Variants in BNC1 observed in about 807,000 individuals in gnomAD.
The protein encoded by BNC1 is basonuclin zinc finger protein 1, also known as zinc finger protein basonuclin-1.
Under a neutral mutation model 66.5 loss-of-function variants are expected in BNC1, and 8 were observed. That is an observed-to-expected ratio of 0.12 (90% CI 0.07 to 0.22). BNC1 has a LOEUF of 0.22. Among genes scored for constraint, BNC1 ranks in the 10% least tolerant of loss-of-function variants. BNC1 has a pLI of 1.00. For missense variants in BNC1, 1,069 were observed against 1,241.3 expected, an observed-to-expected ratio of 0.86 and a Z score of 2.09; for synonymous variants, 454 against 452.6, an observed-to-expected ratio of 1.00 and a Z score of -0.04.
At chr15:83,270,764 T>G (rs1006407603) in intron 1 of BNC1, among the ~76,000 whole-genome samples, 1 of 152,218 alleles carries the variant, frequency 6.6e-6, no homozygotes, top group African/African-American at 2.4e-5. Context: ...TTGCATACAC[T>G]TTCTCCCATC....
intron 1 of BNC1, among the ~76,000 whole-genome samples, chr15:83,275,970 C>A (rs190599609): frequency 6.6e-6 from 1 of 152,180 alleles, no homozygotes; most frequent in East Asian, 1.9e-4. Context: ...AGCCCCTTCC[C>A]GTTCACCTCA....
intron 4 of BNC1, among the ~76,000 whole-genome samples, chr15:83,259,291 T>G (rs2038117165): frequency 6.6e-6 from 1 of 152,198 alleles, no homozygotes; most frequent in Non-Finnish European, 1.5e-5. Context: ...ATAGGAGAAT[T>G]ATTCCAAATA....
chr15:83,268,090 G>C, intron 2 of BNC1, 43 bp downstream of exon 2: 1 of 1,502,878 alleles, frequency 6.7e-7, no homozygotes, highest in Non-Finnish European at 9.3e-7. Flanking sequence ...AAGTTACTTA[G>C]AGGTAACACT....
chr15:83,264,556 G>T lies in BNC1; in HGVS notation c.695C>A (p.Pro232His), dbSNP rs1259833910. 1 of 1,614,152 alleles carries T rather than the reference G, an allele frequency of 6.2e-7. No homozygotes were observed. Among genetic ancestry groups the T allele is most frequent in the East Asian group, 2.2e-5 (1 of 44,876 alleles). Residue 232 changes from proline to histidine, a missense_variant, in exon 4 of 5, where the codon CCC (proline) becomes CAC (histidine). By Grantham distance (77) the Pro-to-His change is moderately conservative (BLOSUM62 -2). This residue lies in a region of BNC1 where 181 missense variants were observed against 181.5 expected (regional missense o/e 1.00). Coordinates refer to ENST00000345382, the MANE Select transcript of BNC1 (RefSeq NM_001717.4). ...VDKGNPSSIH[P>H]FENLISNMTF... ...CATGTTGCTTATGAGGTTCTCAAAGGGGTGTATACTGCTGGGGTTTCCTTT... is the reference window on the plus strand; with the variant it reads ...CATGTTGCTTATGAGGTTCTCAAAGTGGTGTATACTGCTGGGGTTTCCTTT...
Position 83,264,568 on chromosome 15 carries a change from C to T in BNC1, c.683G>A (p.Ser228Asn), listed in dbSNP as rs1372060242. Residue 228 changes from serine to asparagine, a missense_variant, in exon 4 of 5, where the codon AGC becomes AAC. Physicochemically the swap from Ser to Asn is conservative, Grantham distance 46. Coordinates refer to ENST00000345382, the MANE Select transcript of BNC1 (RefSeq NM_001717.4). The stretch of plus-strand genomic sequence containing the variant: ...GAGGTTCTCAAAGGGGTGTATACTG[C>T]TGGGGTTTCCTTTGTCCACAGGAGT... ...LPTPVDKGNP[S>N]SIHPFENLIS... 1.2e-6 allele frequency: 2 copies of T among 1,614,114 alleles called. No homozygotes were observed. The highest frequency in any genetic ancestry group is 1.7e-5 in the Admixed American group (1 of 60,028).
chr15:83,281,118 C>G (rs570650401), intron 1 of BNC1, among the ~76,000 whole-genome samples: 94 of 152,262 alleles, frequency 6.2e-4, no homozygotes, highest in African/African-American at 2.1e-3. Context: ...TCTGTTTATA[C>G]CCACCCTCTT....
Position 83,268,302 on chromosome 15 carries a change from C to A in BNC1, c.100-70G>T, listed in dbSNP as rs1398346000. ...TGTGAAACATTCATTGTATTTCAAACAAAACATATTCCTCCATTCGGCAGC... is the reference window on the plus strand; with the variant it reads ...TGTGAAACATTCATTGTATTTCAAAAAAAACATATTCCTCCATTCGGCAGC... On this transcript the variant is annotated intron_variant, in intron 1 of 4. Coordinates refer to ENST00000345382, the MANE Select transcript of BNC1 (RefSeq NM_001717.4). 10 of 1,358,756 alleles carry A rather than the reference C, an allele frequency of 7.4e-6. No individual in the cohort carries two copies. The East Asian group carries it at 2.3e-4, about 31-fold the overall frequency. The allele number at this position is 1,358,756 out of a possible 1,614,324, so 84.2% of individuals were successfully genotyped here.
rs2038091393 is a variant in BNC1, at chr15:83,257,651, A to G, written c.2776T>C (p.Leu926=). The change falls in exon 5 of 5, where the codon TTG becomes CTG. Residue 926 remains leucine (L), a synonymous_variant. Coordinates refer to ENST00000345382, the MANE Select transcript of BNC1 (RefSeq NM_001717.4). ...TGGCAGAGATGACAGGTTATGGGCA[A>G]CCCAGAAGGCAGGCTAGCAAGGCTC... The part of the protein sequence containing the change: ...DQSLASLPSG[L]PITCHLCQKT... The G allele has an allele frequency of 1.2e-6, 2 of 1,613,988 alleles. No individual in the cohort carries two copies. Among genetic ancestry groups the G allele is most frequent in the South Asian group, 2.2e-5 (2 of 91,074 alleles).
intron 4 of BNC1, 36 bp from the exon 5 acceptor site, chr15:83,258,162 G>T: frequency 6.5e-7 from 1 of 1,547,150 alleles, no homozygotes; most frequent in Non-Finnish European, 8.8e-7. Flanking sequence ...AATGGGTTGG[G>T]CTGTTTTAGA....
Position 83,266,808 on chromosome 15 carries a change from A to G in BNC1, c.435+28T>C, listed in dbSNP as rs1595937939. ...GGGCACAAATTTCAGAAAGCACCCT[A>G]GGAGGACAATGTTCATGTTTACTGT... On this transcript the variant is annotated intron_variant, in intron 3 of 4. Transcript: ENST00000345382. The G allele has an allele frequency of 1.9e-6, 3 of 1,599,754 alleles. No homozygotes were observed. In the East Asian group the frequency reaches 6.7e-5, roughly 36 times the overall value.
At chr15:83,274,546 CA>C (rs2038300488) in intron 1 of BNC1, among the ~76,000 whole-genome samples, 1 of 152,160 alleles carries the variant, frequency 6.6e-6, no homozygotes, top group Non-Finnish European at 1.5e-5. Flanking sequence ...AGGCTGAGTT[CA>C]ATGGTAGGTA....
chr15:83,258,198 A>G, intron 4 of BNC1, 72 bp from the exon 5 acceptor site: 1 of 1,456,854 alleles, frequency 6.9e-7, no homozygotes, highest in South Asian at 1.3e-5. Context: ...GAGTGGAGAG[A>G]CTTGGTAGAT....
At chr15:83,283,580 C>G (rs1036875575) in intron 1 of BNC1, 3 of 911,584 alleles carry the variant, frequency 3.3e-6, no homozygotes, top group Non-Finnish European at 3.9e-6. Flanking sequence ...CCCATGCAAA[C>G]CCCTGAAGGA....
In BNC1 at chr15:83,263,803, T is replaced by C; in HGVS notation, c.1448A>G (p.Lys483Arg). The C allele has an allele frequency of 2.5e-6, 4 of 1,614,094 alleles. No homozygotes were observed. Among genetic ancestry groups the C allele is most frequent in the Non-Finnish European group, 3.4e-6 (4 of 1,180,010 alleles). Residue 483 changes from lysine to arginine, a missense_variant, in exon 4 of 5, where the codon AAG becomes AGG. Transcript: ENST00000345382. ...GAAAGGAAGGACTGGCTGGACTGTC[T>C]TTAGGTTGGGAAAAAGCACACCATT... ...GQNGVLFPNL[K>R]TVQPVLPFYR... is the part of the protein sequence containing the mutation.
intron 3 of BNC1, among the ~76,000 whole-genome samples, chr15:83,265,746 T>G (rs552862385): frequency 1.3e-5 from 2 of 152,318 alleles, no homozygotes; most frequent in African/African-American, 4.8e-5. Flanking sequence ...ATTCTGGGTC[T>G]GCCACATACT....
At chr15:83,284,419 C>T in intron 1 of BNC1, 111 bp downstream of exon 1, 2 of 652,614 alleles carry the variant, frequency 3.1e-6, no homozygotes, top group Non-Finnish European at 3.9e-6. Context: ...AGCCAGCTGG[C>T]CCTCGGGAGG....
In BNC1 at chr15:83,263,612, C is replaced by G. The variant is rs764840224; in HGVS notation, c.1639G>C (p.Glu547Gln). 1 of 1,614,232 alleles carries G rather than the reference C, an allele frequency of 6.2e-7. No homozygotes were observed. The highest frequency in any genetic ancestry group is 1.7e-5 in the Admixed American group (1 of 60,030). ...SRKSSMPIKI[E>Q]KEAVEIANEK... ...TTAGCTATTTCCACAGCTTCTTTCTCTATTTTGATAGGCATACTGGACTTC... is the reference window on the plus strand; with the variant it reads ...TTAGCTATTTCCACAGCTTCTTTCTGTATTTTGATAGGCATACTGGACTTC... The change falls in exon 4 of 5, where the codon GAG becomes CAG. Residue 547 changes from glutamate (E) to glutamine (Q), a missense_variant. Physicochemically the swap from Glu to Gln is conservative, Grantham distance 29 (BLOSUM62 2). Coordinates refer to ENST00000345382, the MANE Select transcript of BNC1 (RefSeq NM_001717.4).
Position 83,284,557 on chromosome 15 carries a change from C to T in BNC1, c.72G>A (p.Arg24=). Residue 24 remains arginine (R), a synonymous_variant, in exon 1 of 5, where the codon CGG becomes CGA. Coordinates refer to ENST00000345382, the MANE Select transcript of BNC1 (RefSeq NM_001717.4). ...CGGCCATCCTGCGACCGCTGCGGTG[C>T]CGGGGCTGCCGGCGCGTCTCCCGGG... The part of the protein sequence containing the change: ...ARARETRRQP[R]HRSGRRMAEA... 3 of 1,103,404 alleles carry T rather than the reference C, an allele frequency of 2.7e-6. No homozygotes were observed. The highest frequency in any genetic ancestry group is 6.7e-5 in the South Asian group (2 of 29,758). 68.4% of individuals were successfully genotyped at this position (1,103,404 alleles called of 1,614,324 possible).
Position 83,256,178 on chromosome 15 carries a change from C to T in BNC1, c.*1264G>A, listed in dbSNP as rs923433376. The T allele has an allele frequency of 5.2e-5, 8 of 152,468 alleles. No homozygotes were observed. The highest frequency in any genetic ancestry group is 3.3e-4 in the Admixed American group (5 of 15,282). 9.4% of individuals were successfully genotyped at this position (152,468 alleles called of 1,614,324 possible). A position where few individuals can be genotyped will look rare whatever the true frequency, so the allele number is the denominator to read the frequency against. On this transcript the variant is annotated 3_prime_UTR_variant, in exon 5 of 5. Coordinates refer to ENST00000345382, the MANE Select transcript of BNC1 (RefSeq NM_001717.4). ...TGTTTTTTATTACTTACATCAACCA[C>T]GAATTTAAAAGATAGTTAACTTGAA... is the stretch of plus-strand genomic sequence containing the variant.
Sources: allele counts gnomAD v4.1 joint callset (sites outside exome capture counted in the v4.1 genomes callset), GRCh38; gene constraint gnomAD v4.1.1; regional missense constraint gnomAD v4.1.1; transcripts MANE v1.5; gene names NCBI Gene and HGNC (gene_info 2026-07-23, HGNC 2026-07-21).